CCR3: variants seen among roughly 807,000 people sequenced by gnomAD.
The protein encoded by CCR3 is C-C chemokine receptor type 3.
For missense variants in CCR3, 419 were observed against 437.5 expected, an observed-to-expected ratio of 0.96 and a Z score of 0.38; for synonymous variants, 203 against 179.2, an observed-to-expected ratio of 1.13 and a Z score of -1.06.
chr3:46,213,523 G>A (rs957309660), intron 2 of CCR3, among the ~76,000 whole-genome samples: 4 of 152,142 alleles, frequency 2.6e-5, no homozygotes, highest in Non-Finnish European at 4.4e-5. Context: ...GTGTGTACTC[G>A]GCTTGGAGGA....
At chr3:46,264,778 T>C (rs1484116640) in intron 1 of CCR3, 2 of 372,834 alleles carry the variant, frequency 5.4e-6, no homozygotes, top group African/African-American at 4.3e-5. Flanking sequence ...AAATGCAAAA[T>C]GCCGTAAGAG....
intron 2 of CCR3, among the ~76,000 whole-genome samples, chr3:46,227,701 A>G (rs760259328): frequency 2.0e-5 from 3 of 152,154 alleles, no homozygotes; most frequent in Non-Finnish European, 2.9e-5. Flanking sequence ...TACAGCCCAC[A>G]TACCTTGATA....
At chr3:46,251,432 G>C (rs948056826) in intron 1 of CCR3, among the ~76,000 whole-genome samples, 10 of 152,106 alleles carry the variant, frequency 6.6e-5, no homozygotes, top group Non-Finnish European at 1.0e-4. Context: ...AGGGAGGTTG[G>C]AGAAGAGAGT....
intron 1 of CCR3, chr3:46,264,215 G>A: frequency 1.8e-6 from 1 of 560,582 alleles, no homozygotes; most frequent in Non-Finnish European, 3.1e-6. Context: ...CTTTGTGATG[G>A]AGAAGCTCCC....
chr3:46,230,524 C>T (rs1425052694), intron 2 of CCR3, among the ~76,000 whole-genome samples: 1 of 152,136 alleles, frequency 6.6e-6, no homozygotes, highest in African/African-American at 2.4e-5. Flanking sequence ...ACAAGCCCCA[C>T]CATTTTTTGC....
At chr3:46,225,763 G>C (rs1360334346) in intron 2 of CCR3, among the ~76,000 whole-genome samples, 1 of 152,024 alleles carries the variant, frequency 6.6e-6, no homozygotes, top group East Asian at 1.9e-4. Flanking sequence ...TGGAATTTTT[G>C]CTTTTTTGCT....
intron 2 of CCR3, among the ~76,000 whole-genome samples, chr3:46,220,018 C>T (rs1699816990): frequency 6.6e-6 from 1 of 152,186 alleles, no homozygotes; most frequent in Admixed American, 6.5e-5. Flanking sequence ...AAAGCTTCTG[C>T]ATAGCAAAAG....
In CCR3 at chr3:46,265,354, C is replaced by T. The variant is rs201795127; in HGVS notation, c.196C>T (p.Arg66Ter). 21 of 1,614,076 alleles carry T rather than the reference C, an allele frequency of 1.3e-5. No homozygotes were observed. The highest frequency in any genetic ancestry group is 2.2e-5 in the South Asian group (2 of 91,082). The stretch of plus-strand genomic sequence containing the variant: ...GATCCTCATAAAATACAGGAGGCTC[C>T]GAATTATGACCAACATCTACCTGCT... ...VMILIKYRRL[R>*]IMTNIYLLNL... Residue 66 changes from arginine (R) to a stop codon, truncating the protein, a stop_gained, in exon 2 of 2, where the codon CGA (arginine) becomes TGA (stop). Transcript: ENST00000395940. LOFTEE classifies it low-confidence loss of function (END_TRUNC).
intron 2 of CCR3, among the ~76,000 whole-genome samples, chr3:46,212,830 C>T (rs1369146121): frequency 1.3e-5 from 2 of 152,146 alleles, no homozygotes; most frequent in African/African-American, 2.4e-5. Context: ...GAGGCTGCCT[C>T]CTCCCTGAAG....
At chr3:46,254,990 A>T (rs1700389992) in intron 1 of CCR3, among the ~76,000 whole-genome samples, 1 of 152,176 alleles carries the variant, frequency 6.6e-6, no homozygotes, top group Admixed American at 6.5e-5. Flanking sequence ...TGTTTTCCAT[A>T]GGGGTTGTAC....
At chr3:46,229,428 G>C (rs1297745089) in intron 2 of CCR3, among the ~76,000 whole-genome samples, 2 of 152,148 alleles carry the variant, frequency 1.3e-5, no homozygotes, top group African/African-American at 4.8e-5. Flanking sequence ...TTGGTACCTT[G>C]AAGTGGGATG....
chr3:46,259,509 TC>T (rs1438826002), intron 1 of CCR3, among the ~76,000 whole-genome samples: 3 of 152,152 alleles, frequency 2.0e-5, no homozygotes, highest in Non-Finnish European at 4.4e-5. Flanking sequence ...TCATATAATT[TC>T]TGAAACACAT....
In CCR3 at chr3:46,266,216, T is replaced by C; in HGVS notation, c.1058T>C (p.Ile353Thr). 6.2e-7 allele frequency: 1 copy of C among 1,609,794 alleles called. No individual in the cohort carries two copies. Among genetic ancestry groups the C allele is most frequent in the Non-Finnish European group, 8.5e-7 (1 of 1,177,072 alleles). ...SPSTAEPELSIVF is the reference protein window; with the variant it reads ...SPSTAEPELSTVF Reference sequence around the variant, plus strand: ...TCCACAGCAGAGCCGGAACTCTCTATTGTGTTTTAGGTCAGATGCAGAAAA... The same window carrying C: ...TCCACAGCAGAGCCGGAACTCTCTACTGTGTTTTAGGTCAGATGCAGAAAA... Residue 353 changes from isoleucine (I) to threonine (T), a missense_variant, in exon 2 of 2, where the codon ATT (isoleucine) becomes ACT (threonine). By Grantham distance (89) the Ile-to-Thr change is moderately conservative. Coordinates refer to ENST00000395940, the MANE Select transcript of CCR3 (RefSeq NM_178329.3).
At position 46,265,925 on chromosome 3, in the gene CCR3, A is replaced by G. The variant is rs761772517; in HGVS notation, c.767A>G (p.Asn256Ser). 8 of 1,614,120 alleles carry G rather than the reference A, an allele frequency of 5.0e-6. No homozygotes were observed. The South Asian group carries it at 8.8e-5, about 18-fold the overall frequency. The stretch of plus-strand genomic sequence containing the variant: ...TTTTTCATTTTCTGGACACCCTACA[A>G]TGTGGCTATCCTTCTCTCTTCCTAT... ...AVFFIFWTPY[N>S]VAILLSSYQS... The change falls in exon 2 of 2, where the codon AAT becomes AGT. Residue 256 changes from asparagine to serine, a missense_variant. Transcript: ENST00000395940.
chr3:46,214,914 A>G (rs962722221), intron 2 of CCR3, among the ~76,000 whole-genome samples: 13 of 152,140 alleles, frequency 8.5e-5, no homozygotes, highest in African/African-American at 3.1e-4. Flanking sequence ...CCTGTCCCCA[A>G]ACACACAAGT....
At chr3:46,243,024 T>C (rs1023351179) in intron 1 of CCR3, among the ~76,000 whole-genome samples, 2 of 143,442 alleles carry the variant, frequency 1.4e-5, no homozygotes, top group Non-Finnish European at 3.0e-5. Flanking sequence ...CATACATTTT[T>C]ATATATACAA....
chr3:46,233,013 C>T (rs570071114), intron 2 of CCR3, among the ~76,000 whole-genome samples: 31 of 152,070 alleles, frequency 2.0e-4, no homozygotes, highest in Non-Finnish European at 4.0e-4. Context: ...TTGTATTTTT[C>T]GTAGAGACGG....
intron 2 of CCR3, among the ~76,000 whole-genome samples, chr3:46,220,621 G>A (rs114448630): frequency 2.0e-5 from 3 of 152,092 alleles, no homozygotes; most frequent in South Asian, 2.1e-4. Context: ...GTCAACTAAC[G>A]AGTGGATAAA....
Position 46,264,482 on chromosome 3 carries a change from A to G in CCR3, c.-11-666A>G, listed in dbSNP as rs111383816. On this transcript the variant is annotated intron_variant, in intron 1 of 1. Coordinates refer to ENST00000395940, the MANE Select transcript of CCR3 (RefSeq NM_178329.3). ...TCCGTAGCAAATTTTTCAAAAGTTA[A>G]ATTTAAAAATCACTACATTTGAATC... is the stretch of plus-strand genomic sequence containing the variant. The G allele has an allele frequency of 6.6e-5, 95 of 1,449,324 alleles. No individual in the cohort carries two copies. The African/African-American group carries it at 1.0e-3, about 16-fold the overall frequency. 89.8% of individuals were successfully genotyped at this position (1,449,324 alleles called of 1,614,324 possible).
Sources: gnomAD v4.1 joint callset for allele counts (sites outside exome capture counted in the v4.1 genomes callset) on GRCh38, gnomAD v4.1.1 for gene constraint, MANE v1.5 for transcripts, NCBI Gene and HGNC (gene_info 2026-07-23, HGNC 2026-07-21) for gene names.